PRELID2: variants seen among roughly 807,000 people sequenced by gnomAD.
PRELID2 encodes PRELI domain containing 2.
Under a neutral mutation model 28.4 loss-of-function variants are expected in PRELID2, and 25 were observed. The ratio of observed to expected loss-of-function variants is 0.88; its 90% CI spans 0.64 to 1.23. The LOEUF is 1.23. Ranked by LOEUF, PRELID2 falls within the 50% of genes most tolerant of loss-of-function variation. PRELID2 has a pLI of 0.00. For synonymous variants in PRELID2, 76 were observed against 71.6 expected (o/e 1.06, Z -0.31); for missense variants, 201 against 214.4 (o/e 0.94, Z 0.39).
chr5:145,719,606 G>A (rs1302336163), intron 1 of PRELID2, among the ~76,000 whole-genome samples: 1 of 151,938 alleles, frequency 6.6e-6, no homozygotes, highest in African/African-American at 2.4e-5. Context: ...TCATTACACA[G>A]ATAGAAGAGG....
At chr5:145,277,624 A>T in the PRELID2 span, among the ~76,000 whole-genome samples, 1 of 152,132 alleles carries the variant, frequency 6.6e-6, no homozygotes, top group African/African-American at 2.4e-5. Context: ...CCACTGAAGG[A>T]TTTATTCCTC....
chr5:145,672,281 G>A (rs1310466685), intron 1 of PRELID2, among the ~76,000 whole-genome samples: 1 of 152,140 alleles, frequency 6.6e-6, no homozygotes, highest in Non-Finnish European at 1.5e-5. Context: ...CAGGGTTAAA[G>A]AGAGGATTCA....
chr5:145,372,964 A>G, the PRELID2 span, among the ~76,000 whole-genome samples: 1 of 47,912 alleles, frequency 2.1e-5, no homozygotes, highest in Non-Finnish European at 4.1e-5. Flanking sequence ...TATATATTAC[A>G]ACATATATAA....
At chr5:145,819,651 A>T (rs1410087325) in intron 3 of PRELID2, 10 of 575,644 alleles carry the variant, frequency 1.7e-5, no homozygotes, top group Non-Finnish European at 3.0e-5. Flanking sequence ...ATTTCTAATC[A>T]TGAACAGATT....
chr5:145,348,656 A>C, the PRELID2 span, among the ~76,000 whole-genome samples: 1 of 150,926 alleles, frequency 6.6e-6, no homozygotes, highest in African/African-American at 2.4e-5. Flanking sequence ...TTTTTTTTAC[A>C]ATTCACTATT....
chr5:145,712,845 T>C (rs997719927), intron 1 of PRELID2, among the ~76,000 whole-genome samples: 5 of 151,898 alleles, frequency 3.3e-5, no homozygotes. Flanking sequence ...TACTTATATA[T>C]ATAAATTCAA....
the PRELID2 span, among the ~76,000 whole-genome samples, chr5:145,385,472 GC>G: frequency 6.6e-6 from 1 of 152,126 alleles, no homozygotes; most frequent in Non-Finnish European, 1.5e-5. Context: ...AGTTGCCTGG[GC>G]AACACTGTGT....
chr5:145,273,183 A>G, the PRELID2 span, among the ~76,000 whole-genome samples: 1 of 152,172 alleles, frequency 6.6e-6, no homozygotes. Context: ...AATGAACTGA[A>G]AAAGTATCAG....
At chr5:145,724,090 G>A (rs1001608653) in intron 1 of PRELID2, among the ~76,000 whole-genome samples, 28 of 152,070 alleles carry the variant, frequency 1.8e-4, no homozygotes, top group Admixed American at 1.8e-3. Flanking sequence ...AATGCAACAT[G>A]CAAATATACA....
chr5:145,332,629 G>GTTCT, the PRELID2 span, among the ~76,000 whole-genome samples: 1 of 151,896 alleles, frequency 6.6e-6, no homozygotes, highest in African/African-American at 2.4e-5. Flanking sequence ...GGTCATTTAT[G>GTTCT]TTCTTCTCTA....
chr5:145,821,152 G>GTGTGTGTGTGTGTGTGT (rs1754761991), intron 2 of PRELID2, among the ~76,000 whole-genome samples: 1 of 88,262 alleles, frequency 1.1e-5, no homozygotes, highest in African/African-American at 4.0e-5. Context: ...AACTCTCCTG[G>GTGTGTGTGTGTGTGTGT]GTGTGTGTGT....
intron 1 of PRELID2, among the ~76,000 whole-genome samples, chr5:145,690,162 T>C (rs540859008): frequency 6.6e-6 from 1 of 152,088 alleles, no homozygotes; most frequent in South Asian, 2.1e-4. Context: ...CGGCTACTTT[T>C]TGTATTTTTA....
chr5:145,488,342 T>C (rs1253778914), intron 1 of PRELID2, among the ~76,000 whole-genome samples: 1 of 152,104 alleles, frequency 6.6e-6, no homozygotes, highest in Non-Finnish European at 1.5e-5. Context: ...GAGAGAAAGA[T>C]TGACCTGGCA....
chr5:145,288,993 A>G, the PRELID2 span, among the ~76,000 whole-genome samples: 1 of 152,104 alleles, frequency 6.6e-6, no homozygotes, highest in Non-Finnish European at 1.5e-5. Flanking sequence ...TTTTGCCTTT[A>G]GTCTTAAGAT....
At chr5:145,635,560 A>C (rs1475207343) in intron 1 of PRELID2, among the ~76,000 whole-genome samples, 2 of 152,226 alleles carry the variant, frequency 1.3e-5, no homozygotes, top group African/African-American at 4.8e-5. Flanking sequence ...AAGCTGACAG[A>C]GATCACACAG....
chr5:145,420,042 G>T, the PRELID2 span, among the ~76,000 whole-genome samples: 1 of 152,062 alleles, frequency 6.6e-6, no homozygotes, highest in South Asian at 2.1e-4. Context: ...GATAGTTGTA[G>T]ATATGCGGCA....
Position 145,621,424 on chromosome 5 carries a change from T to A in PRELID2, n.70+143507A>T, listed in dbSNP as rs146431140. Among the ~76,000 whole-genome samples, 67 of 152,266 alleles carry A rather than the reference T, an allele frequency of 4.4e-4. No individual in the cohort carries two copies. The East Asian group carries it at 0.012, about 28-fold the overall frequency. On this transcript the variant is annotated intron_variant and non_coding_transcript_variant, in intron 1 of 2. Coordinates refer to the PRELID2 transcript ENST00000510259. Reference sequence around the variant, plus strand: ...ATACAAAGAGATTTGACATTCTATATCTACACAAAAACTTGTACACACCAC... The same window carrying A: ...ATACAAAGAGATTTGACATTCTATAACTACACAAAAACTTGTACACACCAC...
intron 1 of PRELID2, among the ~76,000 whole-genome samples, chr5:145,485,099 G>A (rs114416701): frequency 0.011 from 1,617 of 152,268 alleles, 11 homozygotes; most frequent in African/African-American, 0.017. Flanking sequence ...AAATCTTTAA[G>A]ATAACTTCAA....
chr5:145,361,131 C>G, the PRELID2 span, among the ~76,000 whole-genome samples: 1 of 152,108 alleles, frequency 6.6e-6, no homozygotes, highest in African/African-American at 2.4e-5. Context: ...TTTGAGTTAT[C>G]TTTCTTACAT....
Sources: allele counts gnomAD v4.1 joint callset (sites outside exome capture counted in the v4.1 genomes callset), GRCh38; gene constraint gnomAD v4.1.1; transcripts MANE v1.5; gene names NCBI Gene and HGNC (gene_info 2026-07-23, HGNC 2026-07-21).